The following DHRSX variants were observed in gnomAD, a reference collection of about 807,000 sequenced individuals.
DHRSX encodes polyprenol dehydrogenase.
DHRSX carries 31 observed loss-of-function variants against 34.0 expected under a neutral mutation model. That is an observed-to-expected ratio of 0.91 (90% CI 0.69 to 1.23). The LOEUF (loss-of-function observed/expected upper bound fraction) is 1.23, where lower values mean the gene tolerates loss of function less well. Ranked by LOEUF, DHRSX falls within the 50% of genes most tolerant of loss-of-function variation. DHRSX has a pLI of 0.00. For missense variants in DHRSX, 414 were observed against 428.1 expected (o/e 0.97, Z 0.29); for synonymous variants, 201 against 183.8 (o/e 1.09, Z -0.76).
intron 3 of DHRSX, among the ~76,000 whole-genome samples, chrX:2,375,334 C>A (rs1031277612): frequency 7.2e-6 from 1 of 138,014 alleles, no homozygotes; most frequent in Admixed American, 7.2e-5. Context: ...ATGCACACCG[C>A]GGCTGTGAAA....
intron 1 of DHRSX, among the ~76,000 whole-genome samples, chrX:2,481,440 T>C (rs1306846542): frequency 6.6e-6 from 1 of 151,808 alleles, no homozygotes; most frequent in Non-Finnish European, 1.5e-5. Flanking sequence ...CTGAGGCGGG[T>C]GGATCACCTG....
At chrX:2,396,668 G>C (rs2043415068) in intron 3 of DHRSX, among the ~76,000 whole-genome samples, 1 of 151,820 alleles carries the variant, frequency 6.6e-6, no homozygotes, top group Non-Finnish European at 1.5e-5. Context: ...GAAGACTCTA[G>C]GGGGCATCCT....
intron 2 of DHRSX, among the ~76,000 whole-genome samples, chrX:2,422,643 G>C (rs1160263391): frequency 6.6e-6 from 1 of 152,106 alleles, no homozygotes; most frequent in African/African-American, 2.4e-5. Flanking sequence ...CACCATAAAA[G>C]TTATTAAAAG....
intron 3 of DHRSX, among the ~76,000 whole-genome samples, chrX:2,348,770 G>A (rs1481003239): frequency 6.6e-6 from 1 of 151,262 alleles, no homozygotes; most frequent in Non-Finnish European, 1.5e-5. Context: ...CTCGGCTCAC[G>A]GCAACCTCCG....
At chrX:2,415,772 C>CT (rs1217817968) in intron 2 of DHRSX, among the ~76,000 whole-genome samples, 1 of 151,448 alleles carries the variant, frequency 6.6e-6, no homozygotes, top group Non-Finnish European at 1.5e-5. Flanking sequence ...TCATCATGAC[C>CT]AACCAACTAG....
At chrX:2,417,719 G>A (rs1268558972) in intron 2 of DHRSX, among the ~76,000 whole-genome samples, 1 of 151,954 alleles carries the variant, frequency 6.6e-6, no homozygotes, top group Non-Finnish European at 1.5e-5. Context: ...GATCCAGCTA[G>A]ATCTCATCAT....
At chrX:2,242,465 T>C (rs73628246) in intron 6 of DHRSX, among the ~76,000 whole-genome samples, 4,320 of 152,114 alleles carry the variant, frequency 0.028, 226 homozygotes, top group African/African-American at 0.098. Context: ...CCATCTTGAA[T>C]AGGGGCTGGG....
intron 1 of DHRSX, among the ~76,000 whole-genome samples, chrX:2,459,722 G>A (rs917128963): frequency 2.0e-5 from 3 of 151,852 alleles, no homozygotes; most frequent in Admixed American, 6.6e-5. Context: ...CATATTTAAC[G>A]GTGTCTCCTC....
At chrX:2,399,579 G>T (rs1307069063) in intron 3 of DHRSX, among the ~76,000 whole-genome samples, 1 of 151,860 alleles carries the variant, frequency 6.6e-6, no homozygotes, top group Admixed American at 6.6e-5. Context: ...GATGGTGCAC[G>T]CCTGTAATCC....
chrX:2,277,484 A>G (rs868166386), intron 4 of DHRSX, among the ~76,000 whole-genome samples: 6 of 46,118 alleles, frequency 1.3e-4, no homozygotes, highest in Non-Finnish European at 2.2e-4. Flanking sequence ...CAAACGAGAG[A>G]GGGAGAGAGA....
intron 3 of DHRSX, among the ~76,000 whole-genome samples, chrX:2,297,891 G>A (rs746322777): frequency 6.6e-6 from 1 of 151,992 alleles, no homozygotes; most frequent in African/African-American, 2.4e-5. Flanking sequence ...AAGTAGCTGG[G>A]ATTACAGGCA....
intron 1 of DHRSX, among the ~76,000 whole-genome samples, chrX:2,484,939 G>C (rs1402975743): frequency 6.6e-6 from 1 of 151,458 alleles, no homozygotes; most frequent in Admixed American, 6.6e-5. Context: ...CTTCCCACCA[G>C]CTGCCTCTTT....
At chrX:2,417,953 A>G (rs1569498887) in intron 2 of DHRSX, among the ~76,000 whole-genome samples, 1 of 151,322 alleles carries the variant, frequency 6.6e-6, no homozygotes, top group Non-Finnish European at 1.5e-5. Context: ...ACCAAACCTC[A>G]TCATGACTTA....
Position 2,405,049 on chromosome X carries a change from G to A in DHRSX, c.286+3696C>T, listed in dbSNP as rs142516302. Among the ~76,000 whole-genome samples, 7 of 152,264 alleles carry A rather than the reference G, an allele frequency of 4.6e-5. No homozygotes were observed. In the East Asian group the frequency reaches 9.6e-4, roughly 21 times the overall value. Reference sequence around the variant, plus strand: ...AAAATCACAGGGATCCTGCAATGCCGGCTATGAAATTTCAACATACCCCAG... The same window carrying A: ...AAAATCACAGGGATCCTGCAATGCCAGCTATGAAATTTCAACATACCCCAG... On this transcript the variant is annotated intron_variant, in intron 3 of 6. Coordinates refer to ENST00000334651, the MANE Select transcript of DHRSX (RefSeq NM_145177.3).
intron 1 of DHRSX, among the ~76,000 whole-genome samples, chrX:2,426,948 G>C (rs1026102691): frequency 6.6e-6 from 1 of 151,966 alleles, no homozygotes; most frequent in Admixed American, 6.6e-5. Flanking sequence ...CCAGCATACA[G>C]GGAAATGAAT....
chrX:2,323,074 A>ACC (rs2042333100), intron 3 of DHRSX, among the ~76,000 whole-genome samples: 1 of 86,538 alleles, frequency 1.2e-5, no homozygotes, highest in Admixed American at 1.1e-4. Flanking sequence ...CAGGCGCCAC[A>ACC]CCCAGCTAAT....
At chrX:2,308,421 C>A (rs36062362) in intron 3 of DHRSX, among the ~76,000 whole-genome samples, 1 of 151,798 alleles carries the variant, frequency 6.6e-6, no homozygotes, top group African/African-American at 2.4e-5. Flanking sequence ...AATTGTTCAA[C>A]AATTGTTAAA....
At chrX:2,488,809 A>C (rs757564939) in intron 1 of DHRSX, 3 of 1,613,858 alleles carry the variant, frequency 1.9e-6, no homozygotes, top group Non-Finnish European at 2.5e-6. Flanking sequence ...CGTGCGCGGG[A>C]GCCAGCCGGT....
At chrX:2,347,010 T>C (rs1332806280) in intron 3 of DHRSX, among the ~76,000 whole-genome samples, 1 of 152,212 alleles carries the variant, frequency 6.6e-6, no homozygotes. Flanking sequence ...TAGTATTCCA[T>C]GGTGTCTCTG....
Sources: gnomAD v4.1 joint callset for allele counts (sites outside exome capture counted in the v4.1 genomes callset) on GRCh38, gnomAD v4.1.1 for gene constraint, MANE v1.5 for transcripts, NCBI Gene and HGNC (gene_info 2026-07-23, HGNC 2026-07-21) for gene names.